C2CD2L: variants seen among roughly 807,000 people sequenced by gnomAD.
C2CD2L encodes the protein C2CD2 like.
C2CD2L carries 24 observed loss-of-function variants against 69.9 expected under a neutral mutation model. The ratio of observed to expected loss-of-function variants is 0.34; its 90% CI spans 0.25 to 0.48. C2CD2L has a LOEUF of 0.48. C2CD2L is among the 20% of genes least tolerant of loss of function. The probability of loss-of-function intolerance (pLI) is 0.99; values close to 1 mark genes in which losing one functional copy is unlikely to be tolerated. For missense variants in C2CD2L, 811 were observed against 941.5 expected, an observed-to-expected ratio of 0.86 and a Z score of 1.81; for synonymous variants, 367 against 391.0, an observed-to-expected ratio of 0.94 and a Z score of 0.72.
At position 119,110,166 on chromosome 11, in the gene C2CD2L, T is replaced by C. The variant is rs758872903; in HGVS notation, c.417T>C (p.His139=). 1 of 1,613,954 alleles carries C rather than the reference T, an allele frequency of 6.2e-7. No individual in the cohort carries two copies. The highest frequency in any genetic ancestry group is 8.5e-7 in the Non-Finnish European group (1 of 1,179,820). ...TCCCACCCAGAGCCAGCATCAGTCA[T>C]GTGACCTGCGTAGACCAATCTGAGC... ...PQLPPRASIS[H]VTCVDQSEHT... The change falls in exon 2 of 14, where the codon CAT becomes CAC. Residue 139 remains histidine, a synonymous_variant. Transcript: ENST00000648610. The surrounding 1 kb of genome is among the most constrained non-coding windows in gnomAD (Gnocchi z 5.7).
intron 1 of C2CD2L, 25 bp downstream of exon 1, chr11:119,108,120 G>A: frequency 6.6e-7 from 1 of 1,507,018 alleles, no homozygotes; most frequent in South Asian, 1.2e-5. Context: ...GCGCTTGGGT[G>A]GTCCCTTCAG....
intron 10 of C2CD2L, 139 bp from the exon 11 acceptor site, chr11:119,113,472 C>CTAATCACCCTTGTGAT (rs1211909897): frequency 4.6e-6 from 6 of 1,300,918 alleles, no homozygotes; most frequent in Non-Finnish European, 2.1e-6. Context: ...CGGCATCTTC[C>CTAATCACCCTTGTGAT]TAATCACCCT....
chr11:119,110,249 C>A lies in C2CD2L; in HGVS notation c.450+50C>A. ...TCTTTGGGGTCCAAGAAGGACTGAC[C>A]CCAAGGGCTCCCTTTAGTCCAGAGG... is the stretch of plus-strand genomic sequence containing the variant. On this transcript the variant is annotated intron_variant, in intron 2 of 13. Transcript: ENST00000648610. The surrounding 1 kb of genome is among the most constrained non-coding windows in gnomAD (Gnocchi z 5.7). 1.5e-6 allele frequency: 2 copies of A among 1,306,780 alleles called. No individual in the cohort carries two copies. Among genetic ancestry groups the A allele is most frequent in the Non-Finnish European group, 2.2e-6 (2 of 901,136 alleles). The allele number at this position is 1,306,780 out of a possible 1,614,324, so 80.9% of individuals were successfully genotyped here.
chr11:119,107,822 C>A lies in C2CD2L; in HGVS notation c.81C>A (p.Phe27Leu). The A allele has an allele frequency of 6.4e-7, 1 of 1,553,340 alleles. No individual in the cohort carries two copies. The highest frequency in any genetic ancestry group is 8.6e-7 in the Non-Finnish European group (1 of 1,161,202). ...TCGCCGCCTCGCTGCTCACGGTGTT[C>A]GCCTGGCTGCTGCAATATGCCCGGG... is the stretch of plus-strand genomic sequence containing the variant. ...ILFAASLLTV[F>L]AWLLQYARGL... The change falls in exon 1 of 14, where the codon TTC becomes TTA. Residue 27 changes from phenylalanine (F) to leucine (L), a missense_variant. Physicochemically the swap from Phe to Leu is conservative, Grantham distance 22 (BLOSUM62 0). Coordinates refer to ENST00000648610, the MANE Select transcript of C2CD2L (RefSeq NM_001290474.2). This position sits in a 1 kb window ranked among gnomAD's most constrained non-coding sequence, Gnocchi z 5.4.
chr11:119,108,559 C>T (rs1050530151), intron 1 of C2CD2L, among the ~76,000 whole-genome samples: 1 of 152,236 alleles, frequency 6.6e-6, no homozygotes, highest in African/African-American at 2.4e-5. Context: ...AATTTCACTG[C>T]TACAGTCAAA....
Position 119,112,848 on chromosome 11 carries a change from C to G in C2CD2L, c.1361C>G (p.Ser454Cys), listed in dbSNP as rs148925615. 5 of 1,614,040 alleles carry G rather than the reference C, an allele frequency of 3.1e-6. No individual in the cohort carries two copies. The highest frequency in any genetic ancestry group is 3.4e-6 in the Non-Finnish European group (4 of 1,179,928). The part of the protein sequence containing the change: ...TIVTTVTTVQ[S>C]RPRIDGKLDS... ...GTCACCACAGTCACCACTGTCCAGT[C>G]CCGGCCCCGTATAGACGGCAAATTA... Residue 454 changes from serine (S) to cysteine (C), a missense_variant, in exon 10 of 14, where the codon TCC becomes TGC. Ser to Cys is a moderately radical substitution (Grantham distance 112). Transcript: ENST00000648610.
At position 119,117,448 on chromosome 11, in the gene C2CD2L, T is replaced by A. The variant is rs1166678576; in HGVS notation, c.*1192T>A. 2.0e-5 allele frequency: 3 copies of A among 152,166 alleles called. No homozygotes were observed. Among genetic ancestry groups the A allele is most frequent in the Non-Finnish European group, 4.4e-5 (3 of 68,042 alleles). The allele number at this position is 152,166 out of a possible 1,614,324, so 9.4% of individuals were successfully genotyped here. ...ACTAGACTGCCTGCCTGGGTTTGAG[T>A]CCCAGCTCTTCTAATTACTTGTGTG... On this transcript the variant is annotated 3_prime_UTR_variant, in exon 14 of 14. Transcript: ENST00000648610.
At position 119,107,842 on chromosome 11, in the gene C2CD2L, C is replaced by T; in HGVS notation, c.101C>T (p.Ala34Val). The T allele has an allele frequency of 2.6e-6, 4 of 1,548,600 alleles. No homozygotes were observed. Among genetic ancestry groups the T allele is most frequent in the East Asian group, 2.6e-5 (1 of 38,842 alleles). Residue 34 changes from alanine (A) to valine (V), a missense_variant, in exon 1 of 14, where the codon GCC becomes GTC. Ala to Val is a moderately conservative substitution (Grantham distance 64). Coordinates refer to ENST00000648610, the MANE Select transcript of C2CD2L (RefSeq NM_001290474.2). This position sits in a 1 kb window ranked among gnomAD's most constrained non-coding sequence, Gnocchi z 5.4. Reference sequence around the variant, plus strand: ...GTGTTCGCCTGGCTGCTGCAATATGCCCGGGGCTTGTGGCTGGCGCGGGCC... The same window carrying T: ...GTGTTCGCCTGGCTGCTGCAATATGTCCGGGGCTTGTGGCTGGCGCGGGCC... ...LTVFAWLLQYARGLWLARARG... is the reference protein window; with the variant it reads ...LTVFAWLLQYVRGLWLARARG...
At position 119,111,194 on chromosome 11, in the gene C2CD2L, T is replaced by C. The variant is rs1339766150; in HGVS notation, c.798+26T>C. 6 of 1,611,458 alleles carry C rather than the reference T, an allele frequency of 3.7e-6. No homozygotes were observed. The Admixed American group carries it at 1.0e-4, about 27-fold the overall frequency. On this transcript the variant is annotated intron_variant, in intron 5 of 13. Transcript: ENST00000648610. ...GTGAGTTGGCACCCAAAGCAAAAGA[T>C]TTGCATGCACCTTGTTCCTAGGGTG...
chr11:119,104,824 T>C (rs1946554310), upstream of C2CD2L, among the ~76,000 whole-genome samples: 2 of 152,230 alleles, frequency 1.3e-5, no homozygotes, highest in African/African-American at 2.4e-5. Flanking sequence ...ACAAAGACAA[T>C]GAGACCCCTC....
At chr11:119,105,150 T>C (rs1236533874), upstream of C2CD2L, among the ~76,000 whole-genome samples, 1 of 152,206 alleles carries the variant, frequency 6.6e-6, no homozygotes, top group Non-Finnish European at 1.5e-5. Context: ...CTAATATAAT[T>C]GCAGTTGCTT....
rs759996756 is a variant in C2CD2L, at chr11:119,112,600, G to C, written c.1203G>C (p.Met401Ile). Residue 401 changes from methionine (M) to isoleucine (I), a missense_variant, in exon 9 of 14, where the codon ATG (methionine) becomes ATC (isoleucine). Coordinates refer to ENST00000648610, the MANE Select transcript of C2CD2L (RefSeq NM_001290474.2). ...PGKALGPAAT[M>I]AVELHYEEGS... Reference sequence around the variant, plus strand: ...AAGCCCTGGGACCAGCAGCCACCATGGCAGTGGAGGTGAGAAGCTGACCCC... The same window carrying C: ...AAGCCCTGGGACCAGCAGCCACCATCGCAGTGGAGGTGAGAAGCTGACCCC... 1 of 1,609,530 alleles carries C rather than the reference G, an allele frequency of 6.2e-7. No individual in the cohort carries two copies. Among genetic ancestry groups the C allele is most frequent in the East Asian group, 2.2e-5 (1 of 44,842 alleles).
At position 119,111,246 on chromosome 11, in the gene C2CD2L, CCTT is replaced by C. The variant is rs1438616301; in HGVS notation, c.799-11_799-9del. 6.2e-7 allele frequency: 1 copy of C among 1,612,886 alleles called. No homozygotes were observed. Among genetic ancestry groups the C allele is most frequent in the Non-Finnish European group, 8.5e-7 (1 of 1,178,928 alleles). On this transcript the variant is annotated splice_polypyrimidine_tract_variant and intron_variant, in intron 5 of 13. Coordinates refer to ENST00000648610, the MANE Select transcript of C2CD2L (RefSeq NM_001290474.2). Reference sequence around the variant, plus strand: ...TATGTCAGGATTCTTGCTCTTTGGACCTTCTTCTGCTCTTAGGTACCCAGTGAG... The same window carrying C: ...TATGTCAGGATTCTTGCTCTTTGGACCTTCTGCTCTTAGGTACCCAGTGAG...
chr11:119,109,697 T>C lies in C2CD2L; in HGVS notation c.355-407T>C, dbSNP rs1049887822. Among the ~76,000 whole-genome samples the C allele has an allele frequency of 3.3e-5, 5 of 152,236 alleles. No homozygotes were observed. Among genetic ancestry groups the C allele is most frequent in the Admixed American group, 2.0e-4 (3 of 15,286 alleles). Reference sequence around the variant, plus strand: ...GCCCTTTCCCTCTGCCCAGCTATTATATATAGGTGGCAACCAGCACCTTAA... The same window carrying C: ...GCCCTTTCCCTCTGCCCAGCTATTACATATAGGTGGCAACCAGCACCTTAA... On this transcript the variant is annotated intron_variant, in intron 1 of 13. Coordinates refer to ENST00000648610, the MANE Select transcript of C2CD2L (RefSeq NM_001290474.2). The surrounding 1 kb of genome is among the most constrained non-coding windows in gnomAD (Gnocchi z 5.1).
Position 119,111,108 on chromosome 11 carries a change from A to G in C2CD2L, c.738A>G (p.Ile246Met). ...STIEELIKDA[I>M]VSTQPAMMVN... is the part of the protein sequence containing the mutation. ...TTGAGGAACTGATCAAGGATGCCATAGTCAGCACCCAGCCAGCCATGATGG... is the reference window on the plus strand; with the variant it reads ...TTGAGGAACTGATCAAGGATGCCATGGTCAGCACCCAGCCAGCCATGATGG... Residue 246 changes from isoleucine to methionine, a missense_variant, in exon 5 of 14, where the codon ATA (isoleucine) becomes ATG (methionine). Physicochemically the swap from Ile to Met is conservative, Grantham distance 10 (BLOSUM62 1). Coordinates refer to ENST00000648610, the MANE Select transcript of C2CD2L (RefSeq NM_001290474.2). The G allele has an allele frequency of 6.2e-7, 1 of 1,614,118 alleles. No homozygotes were observed. The highest frequency in any genetic ancestry group is 8.5e-7 in the Non-Finnish European group (1 of 1,180,034).
chr11:119,116,109 C>CT lies in C2CD2L; in HGVS notation c.1974_1975insT (p.Leu659SerfsTer7), dbSNP rs1946883248. 1 of 1,614,058 alleles carries CT rather than the reference C, an allele frequency of 6.2e-7. No individual in the cohort carries two copies. The highest frequency in any genetic ancestry group is 1.3e-5 in the African/African-American group (1 of 74,930). On this transcript the variant is annotated frameshift_variant, in exon 14 of 14. Transcript: ENST00000648610. LOFTEE classifies it high-confidence loss of function. ...GGAGGCCTAGGCAGAAGGAAGCTGG[C>CT]CTGAGCCAATCACACGATGACCTCT... is the stretch of plus-strand genomic sequence containing the variant.
rs375784763 is a variant in C2CD2L at position 119,108,112 on chromosome 11, G to C, written c.354+17G>C. 15 of 1,537,956 alleles carry C rather than the reference G, an allele frequency of 9.8e-6. No homozygotes were observed. The African/African-American group carries it at 1.6e-4, about 16-fold the overall frequency. Reference sequence around the variant, plus strand: ...AGAAACGGGGTGAGTTGGACCAAGCGCTTGGGTGGTCCCTTCAGCCTTTCC... The same window carrying C: ...AGAAACGGGGTGAGTTGGACCAAGCCCTTGGGTGGTCCCTTCAGCCTTTCC... On this transcript the variant is annotated intron_variant, in intron 1 of 13. Transcript: ENST00000648610.
intron 11 of C2CD2L, 55 bp downstream of exon 11, chr11:119,113,767 A>G (rs1946813048): frequency 8.7e-6 from 14 of 1,612,870 alleles, no homozygotes; most frequent in East Asian, 6.7e-5. Flanking sequence ...CCCAGCATCA[A>G]AAAGTACTCT....
Position 119,110,625 on chromosome 11 carries a change from C to T in C2CD2L, c.515C>T (p.Pro172Leu). Residue 172 changes from proline to leucine, a missense_variant, in exon 3 of 14, where the codon CCC becomes CTC. Transcript: ENST00000648610. The surrounding 1 kb of genome is among the most constrained non-coding windows in gnomAD (Gnocchi z 5.7). ...RFPVSVTQQS[P>L]AAVSMETYHV... ...CCAGTCTCTGTGACCCAGCAGTCCC[C>T]CGCTGCCGTCTCCATGGAGACCTAC... The T allele has an allele frequency of 6.2e-7, 1 of 1,612,980 alleles. No homozygotes were observed. The highest frequency in any genetic ancestry group is 2.2e-5 in the East Asian group (1 of 44,866).
Sources: allele counts gnomAD v4.1 joint callset (sites outside exome capture counted in the v4.1 genomes callset), GRCh38; gene constraint gnomAD v4.1.1; non-coding constraint Gnocchi (gnomAD v3.1); transcripts MANE v1.5; gene names NCBI Gene and HGNC (gene_info 2026-07-23, HGNC 2026-07-21).